RARB: variants seen among roughly 807,000 people sequenced by gnomAD.
RARB encodes the protein retinoic acid receptor beta, also known as HBV-activated protein.
A neutral mutation model predicts 51.9 loss-of-function variants in RARB; 17 were observed. The observed-to-expected ratio is 0.33, with a 90% confidence interval of 0.22 to 0.49. The LOEUF (loss-of-function observed/expected upper bound fraction) is 0.49. RARB is among the 20% of genes least tolerant of loss of function. The pLI is 0.99. For missense variants in RARB, 369 were observed against 550.8 expected (o/e 0.67, Z 3.30); for synonymous variants, 215 against 195.4 (o/e 1.10, Z -0.84).
intron 2 of RARB, among the ~76,000 whole-genome samples, chr3:25,494,253 G>GCACGCGCGCGCGCGCGCACACACA (rs1553623182): frequency 2.3e-5 from 3 of 131,852 alleles, no homozygotes; most frequent in African/African-American, 5.2e-5. Context: ...TGTATCTTAC[G>GCACGCGCGCGCGCGCGCACACACA]CACACACACA....
At chr3:25,312,950 A>T (rs749730409) in intron 5 of RARB, among the ~76,000 whole-genome samples, 1 of 152,144 alleles carries the variant, frequency 6.6e-6, no homozygotes, top group Non-Finnish European at 1.5e-5. Flanking sequence ...ACCCATCTGT[A>T]TCACACCCTG....
intron 5 of RARB, among the ~76,000 whole-genome samples, chr3:25,370,949 C>T (rs555532973): frequency 5.3e-5 from 8 of 152,274 alleles, no homozygotes; most frequent in African/African-American, 1.2e-4. Flanking sequence ...TTGATAACTC[C>T]ACTCTCTATC....
At chr3:25,546,096 G>A (rs904267465) in intron 3 of RARB, among the ~76,000 whole-genome samples, 5 of 152,048 alleles carry the variant, frequency 3.3e-5, no homozygotes, top group African/African-American at 4.8e-5. Flanking sequence ...GTGCAGAAGC[G>A]CTTAGCTAGA....
At chr3:25,390,714 A>C (rs1706927984) in intron 5 of RARB, among the ~76,000 whole-genome samples, 1 of 152,170 alleles carries the variant, frequency 6.6e-6, no homozygotes, top group Admixed American at 6.5e-5. Flanking sequence ...ATCAAAGGAA[A>C]CAGTTAAAAA....
intron 2 of RARB, among the ~76,000 whole-genome samples, chr3:24,972,894 T>G (rs892868066): frequency 1.3e-5 from 2 of 152,090 alleles, no homozygotes; most frequent in Non-Finnish European, 2.9e-5. Context: ...CCTTGTCATA[T>G]AGTTTGCAAA....
chr3:25,127,702 G>A (rs1472393054), intron 3 of RARB, among the ~76,000 whole-genome samples: 1 of 152,052 alleles, frequency 6.6e-6, no homozygotes, highest in Non-Finnish European at 1.5e-5. Context: ...GAGGGAGGAA[G>A]GCAACCCAGC....
At chr3:25,350,879 G>T (rs1001053076) in intron 5 of RARB, among the ~76,000 whole-genome samples, 5 of 152,200 alleles carry the variant, frequency 3.3e-5, no homozygotes, top group African/African-American at 9.6e-5. Flanking sequence ...CATATGGGGT[G>T]TACCCTCTGC....
intron 2 of RARB, among the ~76,000 whole-genome samples, chr3:25,041,973 C>G (rs2125295406): frequency 1.3e-5 from 2 of 152,086 alleles, no homozygotes; most frequent in East Asian, 3.9e-4. Flanking sequence ...ATCCGCTGTC[C>G]CCAGGGCAGG....
chr3:25,060,384 A>G (rs62228520), intron 3 of RARB, among the ~76,000 whole-genome samples: 11,178 of 151,836 alleles, frequency 0.074, 463 homozygotes, highest in Non-Finnish European at 0.1. Flanking sequence ...TATTTTGTAG[A>G]GATAGAATGT....
At chr3:25,463,290 A>G (rs370201658) in intron 2 of RARB, among the ~76,000 whole-genome samples, 1 of 152,190 alleles carries the variant, frequency 6.6e-6, no homozygotes, top group Admixed American at 6.5e-5. Context: ...CTGATTGCCT[A>G]TGAACACAAA....
At chr3:24,908,406 A>G (rs552863716) in intron 2 of RARB, among the ~76,000 whole-genome samples, 1 of 152,296 alleles carries the variant, frequency 6.6e-6, no homozygotes, top group South Asian at 2.1e-4. Flanking sequence ...ATGTACATTG[A>G]AAGTCAATAC....
At chr3:24,955,234 C>T (rs905049946) in intron 2 of RARB, among the ~76,000 whole-genome samples, 3 of 152,190 alleles carry the variant, frequency 2.0e-5, no homozygotes, top group Non-Finnish European at 4.4e-5. Flanking sequence ...TCTAGCCAGG[C>T]TCCTCTCTGA....
At chr3:25,062,516 T>C (rs1698571877) in intron 3 of RARB, among the ~76,000 whole-genome samples, 1 of 151,990 alleles carries the variant, frequency 6.6e-6, no homozygotes, top group African/African-American at 2.4e-5. Flanking sequence ...ATGATACATG[T>C]TCAAAATGTT....
chr3:25,586,909 C>T (rs1396234530), intron 5 of RARB, among the ~76,000 whole-genome samples: 1 of 152,228 alleles, frequency 6.6e-6, no homozygotes, highest in Non-Finnish European at 1.5e-5. Context: ...CTGGGTCTCT[C>T]CTAGCCTCAG....
At chr3:25,251,456 C>T (rs1262586924) in intron 5 of RARB, among the ~76,000 whole-genome samples, 1 of 151,992 alleles carries the variant, frequency 6.6e-6, no homozygotes, top group Non-Finnish European at 1.5e-5. Context: ...AACTATTTTC[C>T]AAAGTAATAA....
At chr3:25,403,311 C>T (rs1467624793) in intron 5 of RARB, among the ~76,000 whole-genome samples, 1 of 151,994 alleles carries the variant, frequency 6.6e-6, no homozygotes, top group Non-Finnish European at 1.5e-5. Flanking sequence ...GGATGGATAC[C>T]CCATTCTCCA....
At chr3:25,361,980 G>T (rs1249598087) in intron 5 of RARB, among the ~76,000 whole-genome samples, 1 of 152,204 alleles carries the variant, frequency 6.6e-6, no homozygotes, top group East Asian at 1.9e-4. Flanking sequence ...TGAGGAGGCA[G>T]TCTGTCCCTT....
At chr3:25,484,054 G>C (rs13314209) in intron 2 of RARB, among the ~76,000 whole-genome samples, 3 of 152,028 alleles carry the variant, frequency 2.0e-5, no homozygotes, top group Non-Finnish European at 4.4e-5. Flanking sequence ...AAAATGTTCC[G>C]TTAGTGAAGG....
At chr3:25,111,876 C>T (rs1320028449) in intron 3 of RARB, among the ~76,000 whole-genome samples, 1 of 151,892 alleles carries the variant, frequency 6.6e-6, no homozygotes, top group East Asian at 1.9e-4. Flanking sequence ...GGGCCCGACT[C>T]CAACAAATTT....
Sources: allele counts gnomAD v4.1 joint callset (sites outside exome capture counted in the v4.1 genomes callset), GRCh38; gene constraint gnomAD v4.1.1; transcripts MANE v1.5; gene names NCBI Gene and HGNC (gene_info 2026-07-23, HGNC 2026-07-21).